Variants in GGNBP2 observed in about 807,000 individuals in gnomAD.
GGNBP2 encodes gametogenetin binding protein 2.
A neutral mutation model predicts 85.9 loss-of-function variants in GGNBP2; 10 were observed. The ratio of observed to expected loss-of-function variants is 0.12; its 90% confidence interval spans 0.07 to 0.20. GGNBP2 has a LOEUF of 0.20. Ranked by LOEUF, GGNBP2 falls within the 10% of genes least tolerant of loss-of-function variation. The pLI is 1.00. For missense variants in GGNBP2, 595 were observed against 857.8 expected (o/e 0.69, Z 3.83); for synonymous variants, 287 against 285.7 (o/e 1.00, Z -0.05).
intron 6 of GGNBP2, among the ~76,000 whole-genome samples, chr17:36,574,247 T>C (rs1555607307): frequency 6.6e-6 from 1 of 152,192 alleles, no homozygotes; most frequent in African/African-American, 2.4e-5. Context: ...TATTCAGTGA[T>C]GGTGCTGGGA....
At chr17:36,580,295 C>T (rs533751587) in intron 8 of GGNBP2, among the ~76,000 whole-genome samples, 1 of 151,044 alleles carries the variant, frequency 6.6e-6, no homozygotes, top group African/African-American at 2.4e-5. Context: ...GCAAGCTCCA[C>T]CTCCTGGGTT....
chr17:36,545,414 G>GGCGGGCGGGAGA (rs1179676667), intron 1 of GGNBP2: 4 of 345,798 alleles, frequency 1.2e-5, no homozygotes, highest in African/African-American at 2.2e-5. Context: ...CGGGCGGGCG[G>GGCGGGCGGGAGA]GCGGGCGGGA....
rs2074609946 is a variant in GGNBP2 at position 36,578,139 on chromosome 17, C to T, written c.798C>T (p.Asp266=). 2 of 1,613,758 alleles carry T rather than the reference C, an allele frequency of 1.2e-6. No homozygotes were observed. Among genetic ancestry groups the T allele is most frequent in the Admixed American group, 3.3e-5 (2 of 60,000 alleles). ...ACATACATGTTTGCTGTGAAACAGA[C>T]TTCATTGCACATCTTTTGGGTCGTG... ...ERHIHVCCET[D]FIAHLLGRAE... The change falls in exon 7 of 14, where the codon GAC becomes GAT. Residue 266 remains aspartate, a synonymous_variant. Transcript: ENST00000613102.
intron 6 of GGNBP2, among the ~76,000 whole-genome samples, chr17:36,568,018 C>G (rs973602257): frequency 5.9e-5 from 9 of 152,154 alleles, no homozygotes; most frequent in African/African-American, 2.2e-4. Context: ...CTCTGCCTCC[C>G]AGGTTCAAGA....
At chr17:36,557,991 C>T (rs2074379551) in intron 4 of GGNBP2, among the ~76,000 whole-genome samples, 1 of 151,982 alleles carries the variant, frequency 6.6e-6, no homozygotes, top group South Asian at 2.1e-4. Context: ...GCATGGCTGT[C>T]ATCACAGCTA....
At chr17:36,583,062 C>T (rs1014265270) in intron 9 of GGNBP2, among the ~76,000 whole-genome samples, 1 of 148,038 alleles carries the variant, frequency 6.8e-6, no homozygotes, top group African/African-American at 2.5e-5. Context: ...AGCTAGATTC[C>T]TTTTTTTTTT....
chr17:36,586,350 G>C, intron 12 of GGNBP2, 152 bp downstream of exon 12: 1 of 901,254 alleles, frequency 1.1e-6, no homozygotes, highest in South Asian at 1.9e-5. Context: ...CATCGTGTGA[G>C]AGTGTGGGTT....
intron 6 of GGNBP2, among the ~76,000 whole-genome samples, chr17:36,568,876 C>T (rs1036759553): frequency 6.6e-6 from 1 of 152,050 alleles, no homozygotes; most frequent in Admixed American, 6.5e-5. Flanking sequence ...CTGCCTCACC[C>T]TCCCAAGTAG....
chr17:36,575,613 C>CAT (rs776677029), intron 6 of GGNBP2, among the ~76,000 whole-genome samples: 672 of 66,860 alleles, frequency 0.01, 25 homozygotes, highest in Admixed American at 0.012. Context: ...TCTAATGTAA[C>CAT]ATATATATAT....
At position 36,585,973 on chromosome 17, in the gene GGNBP2, C is replaced by T; in HGVS notation, c.1492+8C>T. On this transcript the variant is annotated splice_region_variant and intron_variant, in intron 11 of 13. Coordinates refer to ENST00000613102, the MANE Select transcript of GGNBP2 (RefSeq NM_024835.5). ...GTAATCATGATGAACACGGTAGGCT[C>T]ACATTAAGTTTCCCAGTTATTTCTA... is the stretch of plus-strand genomic sequence containing the variant. 1 of 1,613,962 alleles carries T rather than the reference C, an allele frequency of 6.2e-7. No individual in the cohort carries two copies. The highest frequency in any genetic ancestry group is 8.5e-7 in the Non-Finnish European group (1 of 1,179,976).
intron 6 of GGNBP2, among the ~76,000 whole-genome samples, chr17:36,575,640 A>ATTTTT (rs1247915817): frequency 6.0e-5 from 3 of 50,064 alleles, no homozygotes; most frequent in South Asian, 6.6e-4. Flanking sequence ...ATATATATAT[A>ATTTTT]TATATATATT....
intron 2 of GGNBP2, among the ~76,000 whole-genome samples, chr17:36,553,530 G>C (rs2074331340): frequency 6.6e-6 from 1 of 152,162 alleles, no homozygotes; most frequent in Non-Finnish European, 1.5e-5. Context: ...TTGGGGAAGG[G>C]AGTGATCTTT....
At position 36,554,352 on chromosome 17, in the gene GGNBP2, A is replaced by ATTTTTTTTT. The variant is rs780217291; in HGVS notation, c.94-442_94-434dup. On this transcript the variant is annotated intron_variant, in intron 2 of 13. Transcript: ENST00000613102. ...ATGGAAACTTGTCTTATGTACTTGA[A>ATTTTTTTTT]TTTTTTTTTTTTTTTTTTTTTTTTT... 1.6e-4 allele frequency among the ~76,000 whole-genome samples: 7 copies of ATTTTTTTTT among 44,480 alleles called. 1 individual carries two copies. The highest frequency in any genetic ancestry group is 2.2e-4 in the Non-Finnish European group (6 of 27,812). The allele number at this position is 44,480 out of a possible 152,430, so 29.2% of individuals were successfully genotyped here. A position where few individuals can be genotyped will look rare whatever the true frequency, so the allele number is the denominator to read the frequency against.
chr17:36,548,723 T>A (rs905916456), intron 2 of GGNBP2, among the ~76,000 whole-genome samples: 1 of 149,240 alleles, frequency 6.7e-6, no homozygotes, highest in Admixed American at 6.7e-5. Flanking sequence ...GCTGGCAGAT[T>A]GCCTGAGCTC....
intron 13 of GGNBP2, among the ~76,000 whole-genome samples, chr17:36,588,879 C>T (rs906911315): frequency 3.9e-5 from 6 of 152,080 alleles, no homozygotes; most frequent in South Asian, 2.1e-4. Flanking sequence ...ACTGGAGATA[C>T]GTCTGGCTAC....
intron 2 of GGNBP2, among the ~76,000 whole-genome samples, chr17:36,548,507 C>A (rs2074275286): frequency 6.7e-6 from 1 of 149,306 alleles, no homozygotes; most frequent in Admixed American, 6.8e-5. Flanking sequence ...CCCAGCTACT[C>A]AGGAGGCTGA....
Position 36,568,804 on chromosome 17 carries a change from G to A in GGNBP2, c.641+1028G>A, listed in dbSNP as rs545852684. On this transcript the variant is annotated intron_variant, in intron 6 of 13. Transcript: ENST00000613102. ...CGAAGTCTCGCTCTGTTGCCAGGCTGGAATGCGCTGGCTCGATCTCGGCTC... is the reference window on the plus strand; with the variant it reads ...CGAAGTCTCGCTCTGTTGCCAGGCTAGAATGCGCTGGCTCGATCTCGGCTC... Among the ~76,000 whole-genome samples the A allele has an allele frequency of 2.6e-5, 4 of 151,366 alleles. No individual in the cohort carries two copies. The East Asian group carries it at 7.8e-4, about 30-fold the overall frequency.
chr17:36,587,083 G>A lies in GGNBP2; in HGVS notation c.1728G>A (p.Lys576=), dbSNP rs748163806. The A allele has an allele frequency of 1.2e-5, 19 of 1,614,130 alleles. No homozygotes were observed. The South Asian group carries it at 1.9e-4, about 16-fold the overall frequency. Residue 576 remains lysine (K), a synonymous_variant, in exon 13 of 14, where the codon AAG becomes AAA. Coordinates refer to ENST00000613102, the MANE Select transcript of GGNBP2 (RefSeq NM_024835.5). The part of the protein sequence containing the change: ...NTMHTVFHRD[K]TKDTHPESCC... ...TGCACACAGTGTTTCACCGTGACAAGACCAAAGATACACATCCTGAAAGCT... is the reference window on the plus strand; with the variant it reads ...TGCACACAGTGTTTCACCGTGACAAAACCAAAGATACACATCCTGAAAGCT...
intron 5 of GGNBP2, among the ~76,000 whole-genome samples, chr17:36,561,170 C>A (rs1392745713): frequency 6.6e-6 from 1 of 151,666 alleles, no homozygotes; most frequent in African/African-American, 2.4e-5. Flanking sequence ...ATTTCCCAGG[C>A]TGGAGTGCAG....
Sources: gnomAD v4.1 joint callset for allele counts (sites outside exome capture counted in the v4.1 genomes callset) on GRCh38, gnomAD v4.1.1 for gene constraint, MANE v1.5 for transcripts, NCBI Gene and HGNC (gene_info 2026-07-23, HGNC 2026-07-21) for gene names.